LYST: variants seen among roughly 807,000 people sequenced by gnomAD.
The protein encoded by LYST is lysosomal-trafficking regulator.
In LYST, 192 loss-of-function variants were observed where a neutral mutation model predicts 413.6. That is an observed-to-expected ratio of 0.46 (90% CI 0.41 to 0.52). The LOEUF (loss-of-function observed/expected upper bound fraction) is 0.52. Ranked by LOEUF, LYST falls within the 20% of genes least tolerant of loss-of-function variation. LYST has a pLI of 0.00. For synonymous variants in LYST, 1,525 were observed against 1,567.3 expected, an observed-to-expected ratio of 0.97 and a Z score of 0.64; for missense variants, 3,815 against 4,499.9, an observed-to-expected ratio of 0.85 and a Z score of 4.35.
chr1:235,815,198 TC>T (rs1205424843), intron 3 of LYST, among the ~76,000 whole-genome samples: 1 of 152,132 alleles, frequency 6.6e-6, no homozygotes, highest in African/African-American at 2.4e-5. Flanking sequence ...TATTTCTTGA[TC>T]CCCCTACTAA....
chr1:235,734,523 C>G lies in LYST; in HGVS notation c.8495G>C (p.Ser2832Thr). The G allele has an allele frequency of 1.9e-6, 3 of 1,613,714 alleles. No individual in the cohort carries two copies. Among genetic ancestry groups the G allele is most frequent in the South Asian group, 2.2e-5 (2 of 91,074 alleles). Residue 2832 changes from serine to threonine, a missense_variant, in exon 32 of 53, where the codon AGT becomes ACT. By Grantham distance (58) the Ser-to-Thr change is moderately conservative (BLOSUM62 1). This residue lies in a region of LYST where 771 missense variants were observed against 837.1 expected (regional missense o/e 0.92). Transcript: ENST00000389793. The stretch of plus-strand genomic sequence containing the variant: ...AATAAGGTCTGCTTTTGTTGATGCA[C>G]TGGGAGGGATGCACTTGTGACCACA... The part of the protein sequence containing the change: ...KLCGHKCIPP[S>T]ASTKADLIKM...
At chr1:235,706,515 C>T (rs140302418) in intron 44 of LYST, among the ~76,000 whole-genome samples, 43 of 152,270 alleles carry the variant, frequency 2.8e-4, no homozygotes, top group African/African-American at 9.4e-4. Context: ...CTTATTTCCA[C>T]GTGAAGCCTC....
At chr1:235,712,231 C>T (rs1236713553) in intron 42 of LYST, 34 bp from the exon 43 acceptor site, 2 of 1,478,460 alleles carry the variant, frequency 1.4e-6, no homozygotes, top group South Asian at 1.2e-5. Context: ...GATTAAGACA[C>T]AAAGACCTAA....
At chr1:235,721,697 C>T (rs1413247124) in intron 39 of LYST, among the ~76,000 whole-genome samples, 1 of 152,124 alleles carries the variant, frequency 6.6e-6, no homozygotes, top group Non-Finnish European at 1.5e-5. Flanking sequence ...CATCCTAAAC[C>T]TGTAGCCTAA....
intron 15 of LYST, among the ~76,000 whole-genome samples, 159 bp from the exon 16 acceptor site, chr1:235,781,214 C>T (rs902339671): frequency 1.1e-4 from 16 of 152,140 alleles, no homozygotes; most frequent in African/African-American, 2.6e-4. Flanking sequence ...ATTGGTGTAA[C>T]GAGAAAATAA....
chr1:235,737,916 A>AATGAGGTG, intron 31 of LYST: 1 of 1,163,406 alleles, frequency 8.6e-7, no homozygotes, highest in Non-Finnish European at 1.1e-6. Context: ...GCTGCCGACG[A>AATGAGGTG]GTCTGGATCT....
At chr1:235,878,593 T>C (rs1343761331) in intron 1 of LYST, among the ~76,000 whole-genome samples, 2 of 152,144 alleles carry the variant, frequency 1.3e-5, no homozygotes, top group Non-Finnish European at 2.9e-5. Flanking sequence ...CAGTAATAGC[T>C]GACCAGGAAA....
At chr1:235,805,180 G>GT (rs1452979008) in intron 6 of LYST, among the ~76,000 whole-genome samples, 1 of 152,186 alleles carries the variant, frequency 6.6e-6, no homozygotes, top group Non-Finnish European at 1.5e-5. Context: ...GAGAAAACTT[G>GT]TAAGAATGTG....
At chr1:235,774,678 A>C (rs1271521199) in intron 18 of LYST, among the ~76,000 whole-genome samples, 1 of 152,186 alleles carries the variant, frequency 6.6e-6, no homozygotes, top group Non-Finnish European at 1.5e-5. Context: ...TCTAAAATTC[A>C]ATGAGTTTCT....
intron 28 of LYST, among the ~76,000 whole-genome samples, chr1:235,748,948 C>T (rs1666188498): frequency 6.6e-6 from 1 of 152,136 alleles, no homozygotes; most frequent in African/African-American, 2.4e-5. Context: ...GGCAGTGGGG[C>T]TGGAGGTGTC....
chr1:235,704,600 G>A (rs780730462), intron 44 of LYST, among the ~76,000 whole-genome samples: 10 of 152,044 alleles, frequency 6.6e-5, no homozygotes, highest in Non-Finnish European at 1.3e-4. Flanking sequence ...TTTTAATGAG[G>A]TTGTTTTTTT....
chr1:235,676,460 CAG>C (rs1659388370), intron 50 of LYST, among the ~76,000 whole-genome samples: 3 of 152,064 alleles, frequency 2.0e-5, no homozygotes, highest in Admixed American at 2.0e-4. Context: ...CAATCAATGA[CAG>C]GGGATCACTC....
At chr1:235,730,597 GTGTGTGTGTGTGTGTGTA>G (rs747549132) in intron 36 of LYST, among the ~76,000 whole-genome samples, 13,089 of 100,110 alleles carry the variant, frequency 0.13, 664 homozygotes, top group Middle Eastern at 0.18. Context: ...GTGTGTGTGT[GTGTGTGTGTGTGTGTGTA>G]TATGTAAACT....
At chr1:235,670,870 C>T (rs1428019178) in intron 50 of LYST, among the ~76,000 whole-genome samples, 1 of 152,098 alleles carries the variant, frequency 6.6e-6, no homozygotes, top group Non-Finnish European at 1.5e-5. Flanking sequence ...TCAGGAAACT[C>T]AGGGACACAT....
In LYST at chr1:235,730,887, A is replaced by G; in HGVS notation, c.9004T>C (p.Ser3002Pro). ...LFEDKTHSSF[S>P]STVKDKAASE... is the part of the protein sequence containing the mutation. Reference sequence around the variant, plus strand: ...GCAGCTTTGTCTTTGACAGTAGAAGAGAAAGAAGAATGAGTTTTGTCTTCA... The same window carrying G: ...GCAGCTTTGTCTTTGACAGTAGAAGGGAAAGAAGAATGAGTTTTGTCTTCA... The change falls in exon 36 of 53, where the codon TCT becomes CCT. Residue 3002 changes from serine (S) to proline (P), a missense_variant. Around this residue, in one of 4 missense-constraint regions of LYST, gnomAD observed 866 missense variants for 1,156.0 expected, o/e 0.75. Coordinates refer to ENST00000389793, the MANE Select transcript of LYST (RefSeq NM_000081.4). The G allele has an allele frequency of 6.2e-7, 1 of 1,613,728 alleles. No homozygotes were observed. The highest frequency in any genetic ancestry group is 8.5e-7 in the Non-Finnish European group (1 of 1,179,654).
rs985305657 is a variant in LYST at position 235,700,455 on chromosome 1, AGAG to A, written c.10374+2289_10374+2291del. Among the ~76,000 whole-genome samples the A allele has an allele frequency of 2.6e-5, 4 of 152,116 alleles. No homozygotes were observed. In the South Asian group the frequency reaches 6.2e-4, roughly 24 times the overall value. On this transcript the variant is annotated intron_variant, in intron 45 of 52. Coordinates refer to ENST00000389793, the MANE Select transcript of LYST (RefSeq NM_000081.4). ...CAGCCACTTCTCATAGAATATTTAA[AGAG>A]GAGTGCTTTATTGAAATGCTTTTTA...
chr1:235,862,806 A>AACAC (rs57043954), intron 1 of LYST, among the ~76,000 whole-genome samples: 1,461 of 121,500 alleles, frequency 0.012, 10 homozygotes, highest in South Asian at 0.02. Flanking sequence ...AAAACAAACA[A>AACAC]ACACACACAC....
At chr1:235,846,998 T>G (rs890126507) in intron 1 of LYST, among the ~76,000 whole-genome samples, 1 of 152,126 alleles carries the variant, frequency 6.6e-6, no homozygotes, top group Non-Finnish European at 1.5e-5. Flanking sequence ...GCTAGAGACG[T>G]AGACATCCAA....
At chr1:235,706,104 T>A (rs1661967098) in intron 44 of LYST, among the ~76,000 whole-genome samples, 1 of 152,152 alleles carries the variant, frequency 6.6e-6, no homozygotes, top group Non-Finnish European at 1.5e-5. Flanking sequence ...CCTAATTGCT[T>A]TTAAAGTTGC....
Sources: allele counts gnomAD v4.1 joint callset (sites outside exome capture counted in the v4.1 genomes callset), GRCh38; gene constraint gnomAD v4.1.1; regional missense constraint gnomAD v4.1.1; transcripts MANE v1.5; gene names NCBI Gene and HGNC (gene_info 2026-07-23, HGNC 2026-07-21).